RTTN: variants seen among roughly 807,000 people sequenced by gnomAD.
RTTN encodes the protein rotatin.
In RTTN, 182 loss-of-function variants were observed where a neutral mutation model predicts 269.2. The ratio of observed to expected loss-of-function variants is 0.68; its 90% CI spans 0.60 to 0.76. RTTN has a LOEUF of 0.76. RTTN is among the 30% of genes least tolerant of loss of function. RTTN has a pLI of 0.00. For missense variants in RTTN, 2,545 were observed against 2,608.6 expected (o/e 0.98, Z 0.53); for synonymous variants, 1,006 against 963.5 (o/e 1.04, Z -0.82).
At chr18:70,131,632 A>G (rs2060000919) in intron 23 of RTTN, 1 of 151,940 alleles carries the variant, frequency 6.6e-6, no homozygotes, top group Non-Finnish European at 1.5e-5. Flanking sequence ...GCTTGAAGCC[A>G]GGAGTTCAAG....
intron 35 of RTTN, among the ~76,000 whole-genome samples, chr18:70,063,395 C>G (rs562648198): frequency 6.6e-6 from 1 of 152,244 alleles, no homozygotes; most frequent in East Asian, 1.9e-4. Flanking sequence ...GTTTTCTGCT[C>G]ATTTTTACAT....
Position 70,048,121 on chromosome 18 carries a change from G to A in RTTN, c.5391C>T (p.Phe1797=). Residue 1797 remains phenylalanine (F), a synonymous_variant, in exon 40 of 49, where the codon TTC becomes TTT. Transcript: ENST00000640769. ...CTTCTTCGGTCAAGAGAACAGAAAG[G>A]AATTGCAAGCTGGCAGTATACAGGG... ...CPALYTASLQ[F]LSVLLTEEAK... is the part of the protein sequence containing the mutation. The A allele has an allele frequency of 6.2e-7, 1 of 1,614,108 alleles. No individual in the cohort carries two copies.
At position 70,166,996 on chromosome 18, in the gene RTTN, T is replaced by C; in HGVS notation, c.1725A>G (p.Ala575=). The change falls in exon 13 of 49, where the codon GCA becomes GCG. Residue 575 remains alanine, a synonymous_variant. Coordinates refer to ENST00000640769, the MANE Select transcript of RTTN (RefSeq NM_173630.4). ...AGGAAAAGCTACGCAAGGCTTGGTC[T>C]GCCAGCTCCACTAATTCTAAGAGAT... The part of the protein sequence containing the change: ...EKNLLELVEL[A]DQALRSFSYH... 1 of 1,613,602 alleles carries C rather than the reference T, an allele frequency of 6.2e-7. No homozygotes were observed. Among genetic ancestry groups the C allele is most frequent in the Non-Finnish European group, 8.5e-7 (1 of 1,179,646 alleles).
At position 70,205,008 on chromosome 18, in the gene RTTN, C is replaced by G. The variant is rs2062040263; in HGVS notation, c.219+120G>C. ...ACCCAGATTAATTAAAATTAAACAT[C>G]TCTGGTTGATTAAAAAAACTTTTAA... is the stretch of plus-strand genomic sequence containing the variant. On this transcript the variant is annotated intron_variant, in intron 2 of 48. Coordinates refer to ENST00000640769, the MANE Select transcript of RTTN (RefSeq NM_173630.4). 6.4e-5 allele frequency: 58 copies of G among 909,786 alleles called. No individual in the cohort carries two copies. In the South Asian group the frequency reaches 8.5e-4, roughly 13 times the overall value. The allele number at this position is 909,786 out of a possible 1,614,324, so 56.4% of individuals were successfully genotyped here.
intron 30 of RTTN, among the ~76,000 whole-genome samples, chr18:70,090,097 A>C (rs2058803550): frequency 6.6e-6 from 1 of 152,220 alleles, no homozygotes; most frequent in Non-Finnish European, 1.5e-5. Context: ...AGATGGGATT[A>C]TATCAGCAAA....
At chr18:70,177,114 T>C (rs961030119) in intron 10 of RTTN, among the ~76,000 whole-genome samples, 8 of 152,158 alleles carry the variant, frequency 5.3e-5, no homozygotes, top group Non-Finnish European at 1.2e-4. Context: ...ATACAAACAA[T>C]AGAATATAAA....
chr18:70,086,718 A>AGTC (rs2058710215), intron 31 of RTTN, 34 bp from the exon 32 acceptor site: 14 of 855,704 alleles, frequency 1.6e-5, no homozygotes, highest in East Asian at 3.9e-5. Context: ...AAAAAAAAAA[A>AGTC]AAAAAAAAAA....
chr18:70,087,876 A>G (rs2058742101), intron 31 of RTTN, 113 bp downstream of exon 31: 3 of 1,094,472 alleles, frequency 2.7e-6, no homozygotes, highest in African/African-American at 1.6e-5. Context: ...GTTCACAGAC[A>G]GAAGAGATCA....
chr18:70,159,079 G>A (rs1347175134), intron 14 of RTTN, among the ~76,000 whole-genome samples: 1 of 152,034 alleles, frequency 6.6e-6, no homozygotes, highest in Non-Finnish European at 1.5e-5. Flanking sequence ...CTCGACACCT[G>A]ACCAAATGGA....
intron 42 of RTTN, 149 bp from the exon 43 acceptor site, chr18:70,028,950 C>T: frequency 2.0e-6 from 1 of 503,750 alleles, no homozygotes; most frequent in South Asian, 3.6e-5. Context: ...AACTGACAGG[C>T]TAACGATCTC....
chr18:70,026,795 C>G (rs2056866460), intron 43 of RTTN, among the ~76,000 whole-genome samples: 1 of 151,388 alleles, frequency 6.6e-6, no homozygotes, highest in African/African-American at 2.4e-5. Flanking sequence ...TAGTGAGGAC[C>G]ACAAACACCA....
At position 70,205,332 on chromosome 18, in the gene RTTN, CA is replaced by C; in HGVS notation, c.32-18del. On this transcript the variant is annotated intron_variant, in intron 1 of 48. Coordinates refer to ENST00000640769, the MANE Select transcript of RTTN (RefSeq NM_173630.4). ...GCTGATGACCTGTCAACGAACGGCA[CA>C]AAACTATTTTATTTCCCGACTGCAA... 1 of 1,612,810 alleles carries C rather than the reference CA, an allele frequency of 6.2e-7. No individual in the cohort carries two copies.
intron 41 of RTTN, 77 bp downstream of exon 41, chr18:70,030,799 G>C (rs958049504): frequency 7.1e-6 from 8 of 1,120,664 alleles, no homozygotes; most frequent in Non-Finnish European, 1.0e-5. Context: ...TGAGTCCAAA[G>C]AAAATTAACT....
At chr18:70,015,643 C>T (rs1041300442) in intron 46 of RTTN, among the ~76,000 whole-genome samples, 1 of 152,104 alleles carries the variant, frequency 6.6e-6, no homozygotes, top group African/African-American at 2.4e-5. Flanking sequence ...CTAGGGGAAG[C>T]TTCTCACCAA....
intron 24 of RTTN, chr18:70,128,064 T>C: frequency 2.4e-6 from 1 of 418,768 alleles, no homozygotes; most frequent in Admixed American, 4.0e-5. Flanking sequence ...TGAGATTTTG[T>C]TCTAATCCAG....
At chr18:70,181,508 T>G (rs2061421546) in intron 10 of RTTN, among the ~76,000 whole-genome samples, 1 of 152,276 alleles carries the variant, frequency 6.6e-6, no homozygotes, top group Admixed American at 6.5e-5. Context: ...TCGAGTAATA[T>G]AAAAATATTC....
chr18:70,007,761 G>C (rs1378919268), intron 46 of RTTN: 1 of 152,296 alleles, frequency 6.6e-6, no homozygotes, highest in African/African-American at 2.4e-5. Flanking sequence ...GCCCAGTCAG[G>C]GGCTTATAGA....
chr18:70,109,726 G>A lies in RTTN; in HGVS notation c.3684-9C>T. On this transcript the variant is annotated splice_polypyrimidine_tract_variant and intron_variant, in intron 27 of 48. Coordinates refer to ENST00000640769, the MANE Select transcript of RTTN (RefSeq NM_173630.4). ...GAAGTTCCGAGCATTTCCTATGTAT[G>A]CAAAAGAGGGAAAATCAACCACCAA... 1.2e-6 allele frequency: 2 copies of A among 1,610,194 alleles called. No individual in the cohort carries two copies. Among genetic ancestry groups the A allele is most frequent in the East Asian group, 2.2e-5 (1 of 44,844 alleles).
rs762369796 is a variant in RTTN at position 70,128,538 on chromosome 18, A to G, written c.2963T>C (p.Leu988Pro). The stretch of plus-strand genomic sequence containing the variant: ...ATGGTGTCCAATTACATGAACAGGT[A>G]GATGGTACCTAAAGAAAATGTGTAC... ...LPVSVFRRYHLPVHVIGHHAV... is the reference protein window; with the variant it reads ...LPVSVFRRYHPPVHVIGHHAV... Residue 988 changes from leucine to proline, a missense_variant, in exon 24 of 49, where the codon CTA (leucine) becomes CCA (proline). Physicochemically the swap from Leu to Pro is moderately conservative, Grantham distance 98. Coordinates refer to ENST00000640769, the MANE Select transcript of RTTN (RefSeq NM_173630.4). 6.2e-7 allele frequency: 1 copy of G among 1,611,852 alleles called. No homozygotes were observed. The highest frequency in any genetic ancestry group is 8.5e-7 in the Non-Finnish European group (1 of 1,178,742).
Sources: gnomAD v4.1 joint callset for allele counts (sites outside exome capture counted in the v4.1 genomes callset) on GRCh38, gnomAD v4.1.1 for gene constraint, MANE v1.5 for transcripts, NCBI Gene and HGNC (gene_info 2026-07-23, HGNC 2026-07-21) for gene names.